Variants in HMBOX1 observed in about 807,000 individuals in gnomAD.
HMBOX1 encodes the protein homeobox-containing protein 1.
Under a neutral mutation model 54.5 loss-of-function variants are expected in HMBOX1, and 14 were observed. The observed-to-expected ratio is 0.26, with a 90% CI of 0.17 to 0.40. HMBOX1 has a LOEUF of 0.40. HMBOX1 is among the 10% of genes least tolerant of loss of function. The pLI, the probability that HMBOX1 is intolerant of heterozygous loss-of-function variation, is 1.00. For missense variants in HMBOX1, 332 were observed against 514.4 expected, an observed-to-expected ratio of 0.65 and a Z score of 3.43; for synonymous variants, 160 against 181.0, an observed-to-expected ratio of 0.88 and a Z score of 0.93.
chr8:29,023,710 G>A (rs763957151), intron 6 of HMBOX1, among the ~76,000 whole-genome samples: 6 of 152,074 alleles, frequency 3.9e-5, no homozygotes, highest in Non-Finnish European at 7.4e-5. Context: ...CCCAATTTTA[G>A]TAACCATAAG....
intron 4 of HMBOX1, among the ~76,000 whole-genome samples, chr8:28,988,612 G>T (rs547076047): frequency 2.6e-5 from 4 of 152,298 alleles, no homozygotes; most frequent in Non-Finnish European, 5.9e-5. Context: ...TTCTCTGTGA[G>T]TTTAGTCATT....
chr8:28,960,184 T>G (rs1563470688), intron 1 of HMBOX1, among the ~76,000 whole-genome samples: 2 of 147,652 alleles, frequency 1.4e-5, no homozygotes, highest in East Asian at 3.9e-4. Context: ...TATTTTTCTA[T>G]TTTTTAAGTA....
chr8:29,028,353 A>T (rs554955845), intron 6 of HMBOX1, among the ~76,000 whole-genome samples: 50 of 152,348 alleles, frequency 3.3e-4, no homozygotes, highest in Admixed American at 3.2e-3. Context: ...AGTGGATTTT[A>T]TTCAAGGATG....
chr8:28,989,231 C>T (rs927333868), intron 4 of HMBOX1, among the ~76,000 whole-genome samples: 10 of 151,514 alleles, frequency 6.6e-5, no homozygotes, highest in South Asian at 2.1e-4. Flanking sequence ...GAGATTGTGC[C>T]GTTGCACTCC....
At chr8:29,043,991 CTT>C (rs1805218798) in intron 6 of HMBOX1, among the ~76,000 whole-genome samples, 1 of 152,030 alleles carries the variant, frequency 6.6e-6, no homozygotes, top group South Asian at 2.1e-4. Flanking sequence ...AGCTCTATGA[CTT>C]AAGTTTTACA....
chr8:28,946,124 C>T (rs776759077), intron 1 of HMBOX1, among the ~76,000 whole-genome samples: 55 of 151,256 alleles, frequency 3.6e-4, no homozygotes, highest in Non-Finnish European at 1.5e-4. Context: ...AGCTAATTTT[C>T]GTATTTTTAG....
intron 1 of HMBOX1, among the ~76,000 whole-genome samples, chr8:28,958,649 T>G (rs1824902811): frequency 6.6e-6 from 1 of 152,194 alleles, no homozygotes; most frequent in African/African-American, 2.4e-5. Flanking sequence ...CATATAAAAG[T>G]GAAATTACAC....
At chr8:28,903,338 C>T (rs1813614991) in intron 1 of HMBOX1, among the ~76,000 whole-genome samples, 1 of 152,170 alleles carries the variant, frequency 6.6e-6, no homozygotes, top group South Asian at 2.1e-4. Context: ...GATTTATCTA[C>T]CTTGGTGAGT....
rs1298890863 is a variant in HMBOX1 at position 29,052,452 on chromosome 8, G to A, written c.*1297G>A. ...ATTTGTAAAGTTTAATCTACTTTAA[G>A]CGGCAGTAACTAATGGAATTTTTTT... On this transcript the variant is annotated 3_prime_UTR_variant, in exon 10 of 10. Transcript: ENST00000287701. The A allele has an allele frequency of 6.6e-6, 1 of 152,216 alleles. No homozygotes were observed. 9.4% of individuals were successfully genotyped at this position (152,216 alleles called of 1,614,324 possible). A position where few individuals can be genotyped will look rare whatever the true frequency, so the allele number is the denominator to read the frequency against.
intron 1 of HMBOX1, among the ~76,000 whole-genome samples, chr8:28,920,234 C>T (rs769417994): frequency 2.6e-5 from 4 of 152,120 alleles, no homozygotes; most frequent in Non-Finnish European, 4.4e-5. Flanking sequence ...GCATCAAATT[C>T]GTTAACCTGT....
chr8:29,000,190 C>T (rs2132707921), intron 4 of HMBOX1, among the ~76,000 whole-genome samples: 1 of 152,254 alleles, frequency 6.6e-6, no homozygotes, highest in Non-Finnish European at 1.5e-5. Flanking sequence ...TCTCTAGAAA[C>T]AATAAGTCTC....
intron 1 of HMBOX1, among the ~76,000 whole-genome samples, chr8:28,932,583 C>T (rs1256529572): frequency 6.6e-6 from 1 of 152,068 alleles, no homozygotes; most frequent in East Asian, 1.9e-4. Context: ...TATGTTTTCC[C>T]CTTATTATCA....
intron 4 of HMBOX1, among the ~76,000 whole-genome samples, chr8:28,985,615 A>G (rs1372084717): frequency 6.6e-6 from 1 of 152,254 alleles, no homozygotes; most frequent in Non-Finnish European, 1.5e-5. Context: ...AACTGGTTTT[A>G]GAAATGTTCC....
intron 1 of HMBOX1, among the ~76,000 whole-genome samples, chr8:28,914,328 G>GACTT (rs1277643420): frequency 6.6e-6 from 1 of 152,010 alleles, no homozygotes; most frequent in East Asian, 1.9e-4. Context: ...AAACGATTGG[G>GACTT]ACTTATATAG....
intron 1 of HMBOX1, among the ~76,000 whole-genome samples, chr8:28,923,340 A>T (rs918967867): frequency 6.6e-6 from 1 of 152,220 alleles, no homozygotes; most frequent in African/African-American, 2.4e-5. Context: ...TCTATATTGT[A>T]GCATGACTCA....
chr8:28,990,934 G>T (rs1460333551), intron 4 of HMBOX1, among the ~76,000 whole-genome samples: 1 of 152,114 alleles, frequency 6.6e-6, no homozygotes, highest in Non-Finnish European at 1.5e-5. Context: ...GATTACAGGC[G>T]TGAGCTGCTG....
chr8:28,995,158 T>A (rs1212064139), intron 4 of HMBOX1, among the ~76,000 whole-genome samples: 2 of 152,276 alleles, frequency 1.3e-5, no homozygotes, highest in East Asian at 3.9e-4. Flanking sequence ...CAGCAGTAAT[T>A]TCCAGTCCCC....
At chr8:28,890,130 A>G, upstream of HMBOX1, 1 of 540,794 alleles carries the variant, frequency 1.8e-6, no homozygotes, top group East Asian at 3.2e-5. Flanking sequence ...AATTCATCCC[A>G]GCCGCCAATG....
At chr8:29,048,731 T>C (rs1056369451) in intron 8 of HMBOX1, 4 of 476,290 alleles carry the variant, frequency 8.4e-6, no homozygotes, top group Non-Finnish European at 1.5e-5. Flanking sequence ...GCACCTAACA[T>C]GCACAGCAGC....
Sources: allele counts gnomAD v4.1 joint callset (sites outside exome capture counted in the v4.1 genomes callset), GRCh38; gene constraint gnomAD v4.1.1; transcripts MANE v1.5; gene names NCBI Gene and HGNC (gene_info 2026-07-23, HGNC 2026-07-21).